SCEL: variants seen among roughly 807,000 people sequenced by gnomAD.
The protein encoded by SCEL is sciellin.
Under a neutral mutation model 117.6 loss-of-function variants are expected in SCEL, and 113 were observed. That is an observed-to-expected ratio of 0.96 (90% CI 0.83 to 1.12). The LOEUF is 1.12. SCEL is among the 50% of genes most tolerant of loss of function. The pLI is 0.00. For synonymous variants in SCEL, 270 were observed against 256.2 expected, an observed-to-expected ratio of 1.05 and a Z score of -0.51; for missense variants, 785 against 810.8, an observed-to-expected ratio of 0.97 and a Z score of 0.39.
chr13:77,602,774 A>T, intron 17 of SCEL, 61 bp downstream of exon 17: 1 of 1,412,848 alleles, frequency 7.1e-7, no homozygotes, highest in Non-Finnish European at 1.0e-6. Flanking sequence ...ATTATGTGAT[A>T]TTGAGGGCAC....
At chr13:77,576,875 AGGTATTT>A (rs754898140) in intron 9 of SCEL, among the ~76,000 whole-genome samples, 4 of 151,990 alleles carry the variant, frequency 2.6e-5, no homozygotes, top group Non-Finnish European at 5.9e-5. Context: ...CTGTATTCCT[AGGTATTT>A]TATTCTCTTT....
At chr13:77,569,279 AG>A in intron 7 of SCEL, 91 bp from the exon 8 acceptor site, 1 of 936,968 alleles carries the variant, frequency 1.1e-6, no homozygotes, top group Admixed American at 2.0e-5. Flanking sequence ...GAGAGCAGGC[AG>A]GAATATGAGT....
intron 21 of SCEL, 63 bp downstream of exon 21, chr13:77,609,180 G>T: frequency 7.8e-7 from 1 of 1,274,504 alleles, no homozygotes. Context: ...TATAATTAAA[G>T]CATCATTTCA....
At chr13:77,592,743 A>G (rs1180346405) in intron 11 of SCEL, among the ~76,000 whole-genome samples, 2 of 151,920 alleles carry the variant, frequency 1.3e-5, no homozygotes, top group Admixed American at 1.3e-4. Context: ...AGAAATTTGT[A>G]TGTGGAGATG....
chr13:77,619,463 A>C (rs1002251300), intron 27 of SCEL, among the ~76,000 whole-genome samples: 11 of 152,212 alleles, frequency 7.2e-5, no homozygotes, highest in African/African-American at 2.7e-4. Context: ...CTAGAGGAAA[A>C]ACAAAGGATC....
At chr13:77,585,900 GC>G (rs1224757410) in intron 9 of SCEL, among the ~76,000 whole-genome samples, 1 of 152,110 alleles carries the variant, frequency 6.6e-6, no homozygotes, top group Non-Finnish European at 1.5e-5. Flanking sequence ...TGCTTCCACA[GC>G]CTGTCTCTCA....
intron 1 of SCEL, among the ~76,000 whole-genome samples, chr13:77,538,379 A>G (rs559268503): frequency 7.9e-5 from 12 of 152,306 alleles, no homozygotes; most frequent in African/African-American, 2.6e-4. Context: ...GGTCTCCCAA[A>G]GTGCTGGGAT....
chr13:77,590,391 A>G (rs1318785202), intron 10 of SCEL, among the ~76,000 whole-genome samples: 3 of 152,124 alleles, frequency 2.0e-5, no homozygotes, highest in East Asian at 1.9e-4. Flanking sequence ...TTTTGTTTGT[A>G]TGATGGTTAT....
At position 77,628,103 on chromosome 13, in the gene SCEL, ATAT is replaced by A. The variant is rs557408996; in HGVS notation, c.1691+98_1691+100del. ...TAGAAGATTATATATATAAAATATA[ATAT>A]TATATATTATGTAATATATAATTTG... On this transcript the variant is annotated intron_variant, in intron 28 of 32. Coordinates refer to ENST00000349847, the MANE Select transcript of SCEL (RefSeq NM_144777.3). 5.9e-4 allele frequency: 138 copies of A among 234,170 alleles called. 1 individual carries two copies. The highest frequency in any genetic ancestry group is 2.7e-3 in the African/African-American group (114 of 42,252). The allele number at this position is 234,170 out of a possible 1,614,324, so 14.5% of individuals were successfully genotyped here.
intron 27 of SCEL, among the ~76,000 whole-genome samples, chr13:77,624,801 C>A (rs17068094): frequency 0.17 from 25,156 of 152,124 alleles, 2,424 homozygotes; most frequent in East Asian, 0.45. Context: ...ATAGACAGAC[C>A]AGACAATCTT....
Position 77,644,909 on chromosome 13 carries a change from T to C in SCEL, c.*635T>C, listed in dbSNP as rs765404101. 1 of 152,308 alleles carries C rather than the reference T, an allele frequency of 6.6e-6. No individual in the cohort carries two copies. The highest frequency in any genetic ancestry group is 2.4e-5 in the African/African-American group (1 of 41,450). The allele number at this position is 152,308 out of a possible 1,614,324, so 9.4% of individuals were successfully genotyped here. On this transcript the variant is annotated 3_prime_UTR_variant, in exon 33 of 33. Coordinates refer to ENST00000349847, the MANE Select transcript of SCEL (RefSeq NM_144777.3). ...AGCAGTTTTTAGAATCATTAGCTCTTTGGAAACATATATGCATACATGTTT... is the reference window on the plus strand; with the variant it reads ...AGCAGTTTTTAGAATCATTAGCTCTCTGGAAACATATATGCATACATGTTT...
intron 5 of SCEL, among the ~76,000 whole-genome samples, chr13:77,566,074 G>C (rs890112237): frequency 3.9e-5 from 6 of 152,132 alleles, no homozygotes; most frequent in Admixed American, 6.5e-5. Context: ...TGGTGGTTTA[G>C]AGTTCTCTCC....
At chr13:77,610,430 C>A in intron 22 of SCEL, among the ~76,000 whole-genome samples, 1 of 136,118 alleles carries the variant, frequency 7.3e-6, no homozygotes, top group Admixed American at 8.0e-5. Flanking sequence ...CCAGCCTGGG[C>A]AACAGAGCAA....
intron 1 of SCEL, among the ~76,000 whole-genome samples, chr13:77,548,045 A>G (rs2084092048): frequency 6.6e-6 from 1 of 151,972 alleles, no homozygotes. Flanking sequence ...CCCATATCCC[A>G]CCTCAGTCCT....
intron 4 of SCEL, among the ~76,000 whole-genome samples, chr13:77,560,956 A>G (rs1010248157): frequency 2.7e-5 from 4 of 149,082 alleles, no homozygotes; most frequent in South Asian, 4.1e-4. Flanking sequence ...AAACTTTTTC[A>G]TAATTGTGAC....
At position 77,588,681 on chromosome 13, in the gene SCEL, G is replaced by A. The variant is rs187711020; in HGVS notation, c.546-463G>A. On this transcript the variant is annotated intron_variant, in intron 9 of 32. Coordinates refer to ENST00000349847, the MANE Select transcript of SCEL (RefSeq NM_144777.3). ...ATATTTAAGTCAGATTTAGTTAAGA[G>A]CTTCAAATCAATGCTACCTTGAGGT... 2.7e-4 allele frequency among the ~76,000 whole-genome samples: 41 copies of A among 152,252 alleles called. No individual in the cohort carries two copies. The East Asian group carries it at 7.7e-3, about 29-fold the overall frequency.
chr13:77,590,795 C>T (rs1040615528), intron 10 of SCEL, among the ~76,000 whole-genome samples: 2 of 151,822 alleles, frequency 1.3e-5, no homozygotes, highest in Non-Finnish European at 2.9e-5. Context: ...AAAAAATAGT[C>T]GAATATAGCT....
At chr13:77,573,242 T>G (rs1377126697) in intron 9 of SCEL, among the ~76,000 whole-genome samples, 3 of 152,168 alleles carry the variant, frequency 2.0e-5, no homozygotes, top group Non-Finnish European at 4.4e-5. Flanking sequence ...TACACTCTGG[T>G]CTTTAAAGAA....
chr13:77,635,609 T>G (rs142138941), intron 29 of SCEL, among the ~76,000 whole-genome samples: 1 of 152,340 alleles, frequency 6.6e-6, no homozygotes, highest in East Asian at 1.9e-4. Flanking sequence ...TATTTAAGAA[T>G]AGGAATATTC....
Sources: allele counts gnomAD v4.1 joint callset (sites outside exome capture counted in the v4.1 genomes callset), GRCh38; gene constraint gnomAD v4.1.1; transcripts MANE v1.5; gene names NCBI Gene and HGNC (gene_info 2026-07-23, HGNC 2026-07-21).